The following FBXO45 variants were observed in gnomAD, a reference collection of about 807,000 sequenced individuals.
FBXO45 encodes F-box protein 45.
In FBXO45, 3 loss-of-function variants were observed where a neutral mutation model predicts 25.5. The ratio of observed to expected loss-of-function variants is 0.12; its 90% CI spans 0.05 to 0.30. The LOEUF (loss-of-function observed/expected upper bound fraction) is 0.30. FBXO45 is among the 10% of genes least tolerant of loss of function. FBXO45 has a pLI of 1.00. For synonymous variants in FBXO45, 155 were observed against 149.8 expected, an observed-to-expected ratio of 1.03 and a Z score of -0.25; for missense variants, 219 against 365.0, an observed-to-expected ratio of 0.60 and a Z score of 3.26.
At chr3:196,583,428 C>G (rs1404933820) in intron 2 of FBXO45, among the ~76,000 whole-genome samples, 1 of 151,528 alleles carries the variant, frequency 6.6e-6, no homozygotes, top group Non-Finnish European at 1.5e-5. Flanking sequence ...ATGGCATGAA[C>G]CCGGGAGGCG....
At position 196,568,814 on chromosome 3, in the gene FBXO45, C is replaced by T; in HGVS notation, c.-171C>T. Reference sequence around the variant, plus strand: ...TGCGTCTGCCCTCAGTGAGGCGGGGCGCGCGGCGGACGCCCCCGGGCAGGG... The same window carrying T: ...TGCGTCTGCCCTCAGTGAGGCGGGGTGCGCGGCGGACGCCCCCGGGCAGGG... On this transcript the variant is annotated 5_prime_UTR_variant, in exon 1 of 3. Transcript: ENST00000311630. The T allele has an allele frequency of 3.6e-6, 1 of 276,448 alleles. No homozygotes were observed. The highest frequency in any genetic ancestry group is 5.5e-6 in the Non-Finnish European group (1 of 181,754). 17.1% of individuals were successfully genotyped at this position (276,448 alleles called of 1,614,324 possible).
At chr3:196,582,252 TTCCTAG>T (rs1736023261) in intron 2 of FBXO45, among the ~76,000 whole-genome samples, 1 of 152,208 alleles carries the variant, frequency 6.6e-6, no homozygotes, top group South Asian at 2.1e-4. Flanking sequence ...ATAGGGATAG[TTCCTAG>T]GATTAGTGTG....
chr3:196,578,453 T>C (rs901046300), intron 2 of FBXO45, among the ~76,000 whole-genome samples: 3 of 152,208 alleles, frequency 2.0e-5, no homozygotes, highest in Non-Finnish European at 4.4e-5. Flanking sequence ...GGCAAACTTT[T>C]TGTAAGGGCC....
intron 2 of FBXO45, among the ~76,000 whole-genome samples, chr3:196,579,517 A>G (rs1219206879): frequency 2.0e-5 from 3 of 152,228 alleles, no homozygotes; most frequent in East Asian, 3.8e-4. Flanking sequence ...AACATGCTCT[A>G]TGGTTTTAGT....
intron 1 of FBXO45, among the ~76,000 whole-genome samples, chr3:196,571,241 GACAACAAA>G (rs899151290): frequency 4.1e-5 from 6 of 144,984 alleles, no homozygotes; most frequent in African/African-American, 1.6e-4. Flanking sequence ...TTGTTTTTGA[GACAACAAA>G]ACAACAAAAC....
intron 2 of FBXO45, among the ~76,000 whole-genome samples, chr3:196,581,386 A>G (rs1411446574): frequency 6.6e-6 from 1 of 151,322 alleles, no homozygotes; most frequent in African/African-American, 2.4e-5. Flanking sequence ...GTGTGCCACC[A>G]TGCCCAGCTA....
At chr3:196,572,041 CA>C (rs774313446) in intron 1 of FBXO45, among the ~76,000 whole-genome samples, 69 of 152,198 alleles carry the variant, frequency 4.5e-4, no homozygotes, top group Non-Finnish European at 7.9e-4. Flanking sequence ...GAGGAATTTA[CA>C]AACTGAGTGG....
At position 196,584,721 on chromosome 3, in the gene FBXO45, C is replaced by T. The variant is rs150852815; in HGVS notation, c.*403C>T. 338 of 154,150 alleles carry T rather than the reference C, an allele frequency of 2.2e-3. 2 individuals are homozygous for T. Among genetic ancestry groups the T allele is most frequent in the African/African-American group, 7.9e-3 (327 of 41,536 alleles). 9.5% of individuals were successfully genotyped at this position (154,150 alleles called of 1,614,324 possible). On this transcript the variant is annotated 3_prime_UTR_variant, in exon 3 of 3. Transcript: ENST00000311630. The surrounding 1 kb of genome is among the most constrained non-coding windows in gnomAD (Gnocchi z 4.3). ...GTTCTTTCTCCAGTCCTTTTTTTTC[C>T]AGCCAGCTTGACTATTAGAAAAGTA... is the stretch of plus-strand genomic sequence containing the variant.
rs892495393 is a variant in FBXO45 at position 196,584,301 on chromosome 3, A to G, written c.844A>G (p.Lys282Glu). The part of the protein sequence containing the change: ...NTEVTLVYLG[K>E]PLDG ...AGAAGTGACTTTGGTTTACCTTGGA[A>G]AACCTTTGGACGGATGACAGTGGCT... Residue 282 changes from lysine to glutamate, a missense_variant, in exon 3 of 3, where the codon AAA becomes GAA. By Grantham distance (56) the Lys-to-Glu change is moderately conservative. Coordinates refer to ENST00000311630, the MANE Select transcript of FBXO45 (RefSeq NM_001105573.2). The surrounding 1 kb of genome is among the most constrained non-coding windows in gnomAD (Gnocchi z 4.3). 3.7e-6 allele frequency: 6 copies of G among 1,608,468 alleles called. No homozygotes were observed. The highest frequency in any genetic ancestry group is 2.2e-5 in the East Asian group (1 of 44,800).
At position 196,585,333 on chromosome 3, in the gene FBXO45, A is replaced by G. The variant is rs1297844621; in HGVS notation, c.*1015A>G. On this transcript the variant is annotated 3_prime_UTR_variant, in exon 3 of 3. Transcript: ENST00000311630. ...AAAGCTATTAGTCATAGAGCCTAGG[A>G]AAAAAAGAATTGATTAATGGTCCTT... 6.6e-6 allele frequency: 1 copy of G among 152,190 alleles called. No homozygotes were observed. Among genetic ancestry groups the G allele is most frequent in the East Asian group, 1.9e-4 (1 of 5,208 alleles). The allele number at this position is 152,190 out of a possible 1,614,324, so 9.4% of individuals were successfully genotyped here. A position where few individuals can be genotyped will look rare whatever the true frequency, so the allele number is the denominator to read the frequency against.
At chr3:196,573,264 C>A (rs1002165822) in intron 1 of FBXO45, among the ~76,000 whole-genome samples, 9 of 151,872 alleles carry the variant, frequency 5.9e-5, no homozygotes, top group African/African-American at 1.7e-4. Flanking sequence ...GAGAGATCTG[C>A]GCTAAAGATA....
At chr3:196,570,055 A>G (rs1735768609) in intron 1 of FBXO45, among the ~76,000 whole-genome samples, 1 of 152,174 alleles carries the variant, frequency 6.6e-6, no homozygotes, top group African/African-American at 2.4e-5. Flanking sequence ...CTTCATATAC[A>G]AAATAAAAAT....
At position 196,585,209 on chromosome 3, in the gene FBXO45, T is replaced by G. The variant is rs943602135; in HGVS notation, c.*891T>G. On this transcript the variant is annotated 3_prime_UTR_variant, in exon 3 of 3. Transcript: ENST00000311630. ...AGTAAGGATGATCTCAACATAATAG[T>G]AATGTGTATCTTTTGGTATCCAGTT... 1 of 152,208 alleles carries G rather than the reference T, an allele frequency of 6.6e-6. No individual in the cohort carries two copies. Among genetic ancestry groups the G allele is most frequent in the Non-Finnish European group, 1.5e-5 (1 of 68,040 alleles). 9.4% of individuals were successfully genotyped at this position (152,208 alleles called of 1,614,324 possible). A position where few individuals can be genotyped will look rare whatever the true frequency, so the allele number is the denominator to read the frequency against.
intron 1 of FBXO45, among the ~76,000 whole-genome samples, chr3:196,571,772 T>G (rs1452762223): frequency 6.6e-6 from 1 of 152,202 alleles, no homozygotes; most frequent in Non-Finnish European, 1.5e-5. Flanking sequence ...TTTCTGAGGT[T>G]TTTAATACTT....
Position 196,585,385 on chromosome 3 carries a change from A to G in FBXO45, c.*1067A>G, listed in dbSNP as rs976620193. The G allele has an allele frequency of 6.6e-6, 1 of 152,218 alleles. No individual in the cohort carries two copies. Among genetic ancestry groups the G allele is most frequent in the Non-Finnish European group, 1.5e-5 (1 of 68,044 alleles). 9.4% of individuals were successfully genotyped at this position (152,218 alleles called of 1,614,324 possible). A position where few individuals can be genotyped will look rare whatever the true frequency, so the allele number is the denominator to read the frequency against. ...TATTTTGTAACCTTATAAATGCTGT[A>G]GATATTATCAAAAAAATTTTAATTT... is the stretch of plus-strand genomic sequence containing the variant. On this transcript the variant is annotated 3_prime_UTR_variant, in exon 3 of 3. Coordinates refer to ENST00000311630, the MANE Select transcript of FBXO45 (RefSeq NM_001105573.2).
rs533291492 is a variant in FBXO45 at position 196,585,112 on chromosome 3, A to G, written c.*794A>G. 8.5e-5 allele frequency: 13 copies of G among 152,308 alleles called. No individual in the cohort carries two copies. In the East Asian group the frequency reaches 2.5e-3, roughly 29 times the overall value. The allele number at this position is 152,308 out of a possible 1,614,324, so 9.4% of individuals were successfully genotyped here. ...TGTTTTTGTTTTTACTCTCAAAATC[A>G]TAGTAAAGATCTCTCAGTCTCCTGG... On this transcript the variant is annotated 3_prime_UTR_variant, in exon 3 of 3. Transcript: ENST00000311630.
At chr3:196,577,307 A>G in intron 1 of FBXO45, 146 bp from the exon 2 acceptor site, 3 of 638,864 alleles carry the variant, frequency 4.7e-6, no homozygotes, top group Non-Finnish European at 7.6e-6. Context: ...CCATCCTGAA[A>G]CTTCAGCCAT....
At chr3:196,583,239 G>A (rs926986863) in intron 2 of FBXO45, among the ~76,000 whole-genome samples, 6 of 152,176 alleles carry the variant, frequency 3.9e-5, no homozygotes, top group African/African-American at 1.4e-4. Context: ...CGGGCGCGAT[G>A]GCTCATGCCT....
intron 2 of FBXO45, 57 bp downstream of exon 2, chr3:196,577,866 G>T: frequency 1.1e-5 from 12 of 1,133,756 alleles, no homozygotes; most frequent in East Asian, 9.0e-5. Flanking sequence ...GCCTTAATTT[G>T]TTTTAAATTT....
Sources: allele counts gnomAD v4.1 joint callset (sites outside exome capture counted in the v4.1 genomes callset), GRCh38; gene constraint gnomAD v4.1.1; non-coding constraint Gnocchi (gnomAD v3.1); transcripts MANE v1.5; gene names NCBI Gene and HGNC (gene_info 2026-07-23, HGNC 2026-07-21).